The following ZNF827 variants were observed in gnomAD, a reference collection of about 807,000 sequenced individuals.
The protein encoded by ZNF827 is zinc finger protein 827.
Under a neutral mutation model 102.4 loss-of-function variants are expected in ZNF827, and 13 were observed. The ratio of observed to expected loss-of-function variants is 0.13; its 90% confidence interval spans 0.08 to 0.20. The LOEUF (loss-of-function observed/expected upper bound fraction) is 0.20, where lower values mean the gene tolerates loss of function less well. Ranked by LOEUF, ZNF827 falls within the 10% of genes least tolerant of loss-of-function variation. ZNF827 has a pLI of 1.00. For synonymous variants in ZNF827, 523 were observed against 536.2 expected (o/e 0.98, Z 0.34); for missense variants, 1,103 against 1,344.4 (o/e 0.82, Z 2.81).
chr4:145,901,996 G>A (rs530389442), intron 2 of ZNF827, among the ~76,000 whole-genome samples, 170 bp downstream of exon 2: 5 of 152,294 alleles, frequency 3.3e-5, no homozygotes, highest in South Asian at 2.1e-4. Context: ...TGTGTAATAC[G>A]TACATGAAAG....
chr4:145,778,186 T>C (rs933808928), intron 9 of ZNF827, among the ~76,000 whole-genome samples: 2 of 152,156 alleles, frequency 1.3e-5, no homozygotes, highest in Non-Finnish European at 2.9e-5. Flanking sequence ...CAGGCTGGAG[T>C]GCAGTGGCAC....
At chr4:145,918,567 C>A (rs1179465649) in intron 1 of ZNF827, among the ~76,000 whole-genome samples, 1 of 151,314 alleles carries the variant, frequency 6.6e-6, no homozygotes, top group East Asian at 1.9e-4. Context: ...TCTTTTTAAT[C>A]CAGCCACTTG....
At chr4:145,846,468 ACT>A (rs1031139233) in intron 6 of ZNF827, among the ~76,000 whole-genome samples, 3 of 147,418 alleles carry the variant, frequency 2.0e-5, no homozygotes, top group East Asian at 2.0e-4. Flanking sequence ...ACAGAGCAAG[ACT>A]CTGTCTCAAA....
At chr4:145,837,156 G>C (rs1454472608) in intron 7 of ZNF827, among the ~76,000 whole-genome samples, 17 of 140,026 alleles carry the variant, frequency 1.2e-4, no homozygotes, top group South Asian at 2.3e-4. Flanking sequence ...GATAACAGAC[G>C]AGCCTTTATT....
chr4:145,775,814 C>T lies in ZNF827; in HGVS notation c.2668G>A (p.Gly890Arg). The change falls in exon 10 of 15, where the codon GGG (glycine) becomes AGG (arginine). Residue 890 changes from glycine to arginine, a missense_variant. By Grantham distance (125) the Gly-to-Arg change is moderately radical. Coordinates refer to ENST00000508784, the MANE Select transcript of ZNF827 (RefSeq NM_001306215.2). Reference protein sequence around the residue: ...VSAVTSEGSDGKKHPYYYSCH... With the variant: ...VSAVTSEGSDRKKHPYYYSCH... ...CTGTAATAATAAGGATGTTTCTTCC[C>T]ATCACTGCCTTCAGAGGTGACGGCG... The T allele has an allele frequency of 6.2e-7, 1 of 1,614,162 alleles. No individual in the cohort carries two copies. The highest frequency in any genetic ancestry group is 8.5e-7 in the Non-Finnish European group (1 of 1,180,028).
chr4:145,885,422 CAGA>C (rs1750024202), intron 4 of ZNF827, among the ~76,000 whole-genome samples: 1 of 152,006 alleles, frequency 6.6e-6, no homozygotes, highest in Non-Finnish European at 1.5e-5. Flanking sequence ...GGGAAAAAAG[CAGA>C]AGGAAATCAA....
chr4:145,775,765 T>G (rs768303203), intron 10 of ZNF827, 24 bp downstream of exon 10: 3 of 1,613,392 alleles, frequency 1.9e-6, no homozygotes, highest in Non-Finnish European at 2.5e-6. Flanking sequence ...AAAGGCGGAC[T>G]AGCATGTTCC....
At position 145,758,675 on chromosome 4, in the gene ZNF827, A is replaced by G. The variant is rs983415177; in HGVS notation, c.*2941T>C. On this transcript the variant is annotated 3_prime_UTR_variant, in exon 15 of 15. Transcript: ENST00000508784. ...TAACTATCTATAGTGTCTTTTACTGAGACATTGACGTGGCGAGGTTGAACA... is the reference window on the plus strand; with the variant it reads ...TAACTATCTATAGTGTCTTTTACTGGGACATTGACGTGGCGAGGTTGAACA... The G allele has an allele frequency of 6.6e-6, 1 of 152,208 alleles. No individual in the cohort carries two copies. Among genetic ancestry groups the G allele is most frequent in the African/African-American group, 2.4e-5 (1 of 41,452 alleles). 9.4% of individuals were successfully genotyped at this position (152,208 alleles called of 1,614,324 possible).
At chr4:145,896,920 GAA>G (rs1320935768) in intron 2 of ZNF827, among the ~76,000 whole-genome samples, 1 of 152,140 alleles carries the variant, frequency 6.6e-6, no homozygotes, top group Non-Finnish European at 1.5e-5. Flanking sequence ...TGAATTTTAA[GAA>G]GCAACATATT....
chr4:145,801,767 G>C (rs1740928731), intron 8 of ZNF827, among the ~76,000 whole-genome samples: 1 of 152,206 alleles, frequency 6.6e-6, no homozygotes, highest in Admixed American at 6.5e-5. Flanking sequence ...TTTTAATTGA[G>C]AGAATTTTCT....
At chr4:145,844,659 AAC>A (rs1745746391) in intron 7 of ZNF827, among the ~76,000 whole-genome samples, 1 of 149,098 alleles carries the variant, frequency 6.7e-6, no homozygotes, top group Non-Finnish European at 1.5e-5. Context: ...CAGCCTGGGA[AAC>A]AGAGTGAGAC....
intron 1 of ZNF827, among the ~76,000 whole-genome samples, chr4:145,912,305 A>G (rs531554831): frequency 6.6e-6 from 1 of 152,340 alleles, no homozygotes; most frequent in East Asian, 1.9e-4. Context: ...GCCCAAAGCA[A>G]CTATGTATTT....
chr4:145,908,001 C>T (rs1003079782), intron 1 of ZNF827, among the ~76,000 whole-genome samples: 1 of 152,172 alleles, frequency 6.6e-6, no homozygotes, highest in African/African-American at 2.4e-5. Context: ...CAAGCAGCAA[C>T]TCAGTAACTT....
intron 1 of ZNF827, chr4:145,907,365 A>C: frequency 2.7e-6 from 1 of 368,942 alleles, no homozygotes; most frequent in South Asian, 2.0e-5. Flanking sequence ...TTCACACTAC[A>C]TCGTGAGAAA....
At chr4:145,927,696 G>A (rs1753528247) in intron 1 of ZNF827, among the ~76,000 whole-genome samples, 1 of 152,162 alleles carries the variant, frequency 6.6e-6, no homozygotes, top group Admixed American at 6.5e-5. Flanking sequence ...TGTCTCAAGA[G>A]ACCATCAAAT....
At chr4:145,911,508 C>G (rs1281967304) in intron 1 of ZNF827, among the ~76,000 whole-genome samples, 3 of 152,154 alleles carry the variant, frequency 2.0e-5, no homozygotes, top group African/African-American at 4.8e-5. Context: ...ACCTATTAAC[C>G]CCACTTTCAA....
intron 8 of ZNF827, among the ~76,000 whole-genome samples, chr4:145,815,300 T>C (rs527636957): frequency 6.6e-6 from 1 of 152,340 alleles, no homozygotes; most frequent in East Asian, 1.9e-4. Flanking sequence ...CACTTTTGCA[T>C]TTCTAGTGAA....
rs1748919632 is a variant in ZNF827 at position 145,873,841 on chromosome 4, C to CA, written c.1748-3364dup. ...CCAGAACCCTTTATAAAGTCTTTTC[C>CA]AAGGGCACCCTAGTTCATCACGACA... On this transcript the variant is annotated intron_variant, in intron 4 of 14. Coordinates refer to ENST00000508784, the MANE Select transcript of ZNF827 (RefSeq NM_001306215.2). 2.0e-5 allele frequency among the ~76,000 whole-genome samples: 3 copies of CA among 152,232 alleles called. No individual in the cohort carries two copies. The South Asian group carries it at 6.2e-4, about 32-fold the overall frequency.
chr4:145,912,088 G>A (rs1358520963), intron 1 of ZNF827, among the ~76,000 whole-genome samples: 3 of 152,170 alleles, frequency 2.0e-5, no homozygotes, highest in Non-Finnish European at 4.4e-5. Context: ...AATATGTGAG[G>A]AGCTTGACAA....
Sources: allele counts gnomAD v4.1 joint callset (sites outside exome capture counted in the v4.1 genomes callset), GRCh38; gene constraint gnomAD v4.1.1; transcripts MANE v1.5; gene names NCBI Gene and HGNC (gene_info 2026-07-23, HGNC 2026-07-21).